Variants in KCNQ2 observed in about 807,000 individuals in gnomAD.
The protein encoded by KCNQ2 is potassium voltage-gated channel subfamily Q member 2, also known as potassium voltage-gated channel subfamily KQT member 2.
KCNQ2 carries 14 observed loss-of-function variants against 84.8 expected under a neutral mutation model. That is an observed-to-expected ratio of 0.17 (90% confidence interval 0.11 to 0.26). KCNQ2 has a LOEUF of 0.26. KCNQ2 is among the 10% of genes least tolerant of loss of function. KCNQ2 has a pLI of 1.00. For missense variants in KCNQ2, 788 were observed against 1,254.0 expected, an observed-to-expected ratio of 0.63 and a Z score of 5.61; for synonymous variants, 599 against 554.1, an observed-to-expected ratio of 1.08 and a Z score of -1.14.
chr20:63,420,501 T>G (rs2080434451), intron 11 of KCNQ2, among the ~76,000 whole-genome samples: 2 of 114,824 alleles, frequency 1.7e-5, no homozygotes, highest in Admixed American at 2.5e-4. Context: ...GAGACAGCAC[T>G]TCTCAAACTC....
rs2081062923 is a variant in KCNQ2, at chr20:63,438,279, T to G, written c.1023+346A>C. 2.4e-6 allele frequency: 1 copy of G among 424,266 alleles called. No individual in the cohort carries two copies. The highest frequency in any genetic ancestry group is 2.0e-5 in the African/African-American group (1 of 49,680). The allele number at this position is 424,266 out of a possible 1,614,324, so 26.3% of individuals were successfully genotyped here. A position where few individuals can be genotyped will look rare whatever the true frequency, so the allele number is the denominator to read the frequency against. On this transcript the variant is annotated intron_variant, in intron 7 of 16. Transcript: ENST00000359125. This position sits in a 1 kb window ranked among gnomAD's most constrained non-coding sequence, Gnocchi z 5.1. ...CAGACGAGGTCAGGCACTGACTCACTGCAGTGTGTGGGCTCTAGGAGCCTT... is the reference window on the plus strand; with the variant it reads ...CAGACGAGGTCAGGCACTGACTCACGGCAGTGTGTGGGCTCTAGGAGCCTT...
Position 63,414,215 on chromosome 20 carries a change from G to A in KCNQ2, c.1526-22C>T, listed in dbSNP as rs753860020. 54 of 1,564,792 alleles carry A rather than the reference G, an allele frequency of 3.5e-5. No homozygotes were observed. The highest frequency in any genetic ancestry group is 3.3e-4 in the Middle Eastern group (2 of 5,990). On this transcript the variant is annotated intron_variant, in intron 13 of 16. Transcript: ENST00000359125. This position sits in a 1 kb window ranked among gnomAD's most constrained non-coding sequence, Gnocchi z 6.6. ...GCTTCTGGGGGGAAGGAGACAGGCC[G>A]TGAGGGGCCGAGGGGGCCGGGAGAC...
In KCNQ2 at chr20:63,406,296, G is replaced by A. The variant is rs1320519067; in HGVS notation, c.*348C>T. 5.9e-5 allele frequency: 16 copies of A among 272,354 alleles called. No homozygotes were observed. The highest frequency in any genetic ancestry group is 9.1e-5 in the Non-Finnish European group (13 of 142,636). 16.9% of individuals were successfully genotyped at this position (272,354 alleles called of 1,614,324 possible). A position where few individuals can be genotyped will look rare whatever the true frequency, so the allele number is the denominator to read the frequency against. ...CTGGGCTCGGCTGAGACAACCCCCC[G>A]CCTGTTGCCACGCTGGCAACACCCC... On this transcript the variant is annotated 3_prime_UTR_variant, in exon 17 of 17. Coordinates refer to ENST00000359125, the MANE Select transcript of KCNQ2 (RefSeq NM_172107.4).
intron 12 of KCNQ2, 107 bp from the exon 13 acceptor site, chr20:63,415,233 G>A (rs912842325): frequency 4.9e-6 from 5 of 1,016,202 alleles, no homozygotes; most frequent in Non-Finnish European, 7.4e-6. Flanking sequence ...ATGCGCCGGA[G>A]GGAGACACAG....
chr20:63,439,329 G>T (rs2081090894), intron 6 of KCNQ2, among the ~76,000 whole-genome samples: 1 of 152,224 alleles, frequency 6.6e-6, no homozygotes, highest in Admixed American at 6.5e-5. Flanking sequence ...GACTAAGAGG[G>T]GCCACCAGTG....
At chr20:63,465,962 C>A (rs1057458801) in intron 1 of KCNQ2, among the ~76,000 whole-genome samples, 1 of 152,174 alleles carries the variant, frequency 6.6e-6, no homozygotes, top group Non-Finnish European at 1.5e-5. Context: ...GGCGGCCCGG[C>A]GGGTTCTCTG....
At position 63,414,245 on chromosome 20, in the gene KCNQ2, T is replaced by TCCCGGG. The variant is rs1456149380; in HGVS notation, c.1526-58_1526-53dup. ...GGGCCGAGGGGGCCGGGAGACCTAT[T>TCCCGGG]CCCGGGGTCCTGCAGGGCACACCGG... On this transcript the variant is annotated intron_variant, in intron 13 of 16. Coordinates refer to ENST00000359125, the MANE Select transcript of KCNQ2 (RefSeq NM_172107.4). The surrounding 1 kb of genome is among the most constrained non-coding windows in gnomAD (Gnocchi z 6.6). The TCCCGGG allele has an allele frequency of 7.5e-6, 10 of 1,339,796 alleles. No individual in the cohort carries two copies. The highest frequency in any genetic ancestry group is 1.1e-5 in the Non-Finnish European group (10 of 933,636). 83.0% of individuals were successfully genotyped at this position (1,339,796 alleles called of 1,614,324 possible). A position where few individuals can be genotyped will look rare whatever the true frequency, so the allele number is the denominator to read the frequency against.
At chr20:63,410,115 G>A (rs1032167446) in intron 15 of KCNQ2, 35 of 193,822 alleles carry the variant, frequency 1.8e-4, no homozygotes, top group East Asian at 5.6e-4. Flanking sequence ...CCAGGAGGGC[G>A]GGAGGGGACG....
rs2079798519 is a variant in KCNQ2, at chr20:63,401,001, T to C, written c.*5643A>G. On this transcript the variant is annotated 3_prime_UTR_variant, in exon 17 of 17. Transcript: ENST00000359125. The stretch of plus-strand genomic sequence containing the variant: ...CGGAGTTGGCGTGTGGCGATGGCGA[T>C]GTGCACGTGCCTGCCTGGTAGCCCC... The C allele has an allele frequency of 2.5e-6, 1 of 397,130 alleles. No individual in the cohort carries two copies. Among genetic ancestry groups the C allele is most frequent in the Non-Finnish European group, 4.4e-6 (1 of 225,528 alleles). The allele number at this position is 397,130 out of a possible 1,614,324, so 24.6% of individuals were successfully genotyped here. A position where few individuals can be genotyped will look rare whatever the true frequency, so the allele number is the denominator to read the frequency against.
chr20:63,447,738 G>A (rs955977132), intron 1 of KCNQ2, among the ~76,000 whole-genome samples: 2 of 152,102 alleles, frequency 1.3e-5, no homozygotes, highest in Non-Finnish European at 2.9e-5. Context: ...GGGATTACAG[G>A]CATGTGCCAC....
At chr20:63,410,542 C>G (rs2080091747) in intron 15 of KCNQ2, among the ~76,000 whole-genome samples, 1 of 152,208 alleles carries the variant, frequency 6.6e-6, no homozygotes, top group Non-Finnish European at 1.5e-5. Flanking sequence ...GAGGACCAGC[C>G]CCAGGGCACA....
chr20:63,433,889 G>T lies in KCNQ2; in HGVS notation c.1038C>A (p.Phe346Leu). The change falls in exon 8 of 17, where the codon TTC becomes TTA. Residue 346 changes from phenylalanine (F) to leucine (L), a missense_variant. This residue lies in a region of KCNQ2 where 16 missense variants were observed against 38.7 expected (regional missense o/e 0.41). Coordinates refer to ENST00000359125, the MANE Select transcript of KCNQ2 (RefSeq NM_172107.4). ...CTGTGCGCGAGAGGTTGGTGGCGTAGAATCTCCAGGCCGACTGCGGAGGGA... is the reference window on the plus strand; with the variant it reads ...CTGTGCGCGAGAGGTTGGTGGCGTATAATCTCCAGGCCGACTGCGGAGGGA... ...AAGLIQSAWR[F>L]YATNLSRTDL... 1 of 1,613,646 alleles carries T rather than the reference G, an allele frequency of 6.2e-7. No individual in the cohort carries two copies. The highest frequency in any genetic ancestry group is 8.5e-7 in the Non-Finnish European group (1 of 1,179,912).
Position 63,400,985 on chromosome 20 carries a change from C to G in KCNQ2, c.*5659G>C, listed in dbSNP as rs370447420. 5.0e-6 allele frequency: 2 copies of G among 397,274 alleles called. No homozygotes were observed. The highest frequency in any genetic ancestry group is 8.9e-6 in the Non-Finnish European group (2 of 225,596). 24.6% of individuals were successfully genotyped at this position (397,274 alleles called of 1,614,324 possible). A position where few individuals can be genotyped will look rare whatever the true frequency, so the allele number is the denominator to read the frequency against. On this transcript the variant is annotated 3_prime_UTR_variant, in exon 17 of 17. Transcript: ENST00000359125. The surrounding 1 kb of genome is among the most constrained non-coding windows in gnomAD (Gnocchi z 8.7). ...CTTTGTAAAACCCAGGCGGAGTTGG[C>G]GTGTGGCGATGGCGATGTGCACGTG...
intron 11 of KCNQ2, among the ~76,000 whole-genome samples, chr20:63,423,321 G>C (rs904483100): frequency 6.6e-6 from 1 of 152,168 alleles, no homozygotes; most frequent in Non-Finnish European, 1.5e-5. Context: ...TCCAGGAGGG[G>C]CAGCCAGGCG....
chr20:63,464,569 C>G (rs567925295), intron 1 of KCNQ2, among the ~76,000 whole-genome samples: 89 of 152,108 alleles, frequency 5.9e-4, no homozygotes, highest in Non-Finnish European at 1.0e-3. Context: ...CCCACCGGGG[C>G]CGCCTAACCC....
intron 9 of KCNQ2, among the ~76,000 whole-genome samples, chr20:63,429,937 G>A (rs566644379): frequency 6.6e-6 from 1 of 152,356 alleles, no homozygotes; most frequent in African/African-American, 2.4e-5. Context: ...CCCTGCAGAG[G>A]ACAGTCCGCT....
At chr20:63,428,515 A>G in intron 9 of KCNQ2, 80 bp from the exon 10 acceptor site, 4 of 1,230,672 alleles carry the variant, frequency 3.3e-6, no homozygotes, top group South Asian at 2.6e-5. Flanking sequence ...GCACAGCTCC[A>G]TGGGCAGGCG....
intron 15 of KCNQ2, chr20:63,411,901 AAAG>A: frequency 1.4e-6 from 1 of 713,720 alleles, no homozygotes; most frequent in South Asian, 1.5e-5. Flanking sequence ...GTAAACAAGA[AAAG>A]AGACACCGGC....
At position 63,408,605 on chromosome 20, in the gene KCNQ2, G is replaced by C; in HGVS notation, c.1764-69C>G. 6.3e-7 allele frequency: 1 copy of C among 1,581,968 alleles called. No individual in the cohort carries two copies. Among genetic ancestry groups the C allele is most frequent in the Non-Finnish European group, 8.6e-7 (1 of 1,167,794 alleles). On this transcript the variant is annotated intron_variant, in intron 15 of 16. Coordinates refer to ENST00000359125, the MANE Select transcript of KCNQ2 (RefSeq NM_172107.4). This position sits in a 1 kb window ranked among gnomAD's most constrained non-coding sequence, Gnocchi z 5.0. ...AGCAGGGCCCCTGCCCTCTCCTCCT[G>C]GACCAGGCCACAGTGCCCCTGGGTC...
Sources: gnomAD v4.1 joint callset for allele counts (sites outside exome capture counted in the v4.1 genomes callset) on GRCh38, gnomAD v4.1.1 for gene constraint, gnomAD v4.1.1 regional missense constraint, Gnocchi (gnomAD v3.1) non-coding constraint, MANE v1.5 for transcripts, NCBI Gene and HGNC (gene_info 2026-07-23, HGNC 2026-07-21) for gene names.